The following PADI2 variants were observed in gnomAD, a reference collection of about 807,000 sequenced individuals.
The protein encoded by PADI2 is peptidyl arginine deiminase 2, also known as protein-arginine deiminase type-2.
PADI2 carries 70 observed loss-of-function variants against 81.1 expected under a neutral mutation model. The ratio of observed to expected loss-of-function variants is 0.86; its 90% CI spans 0.71 to 1.05. The LOEUF is 1.05. Among genes scored for constraint, PADI2 ranks in the 50% least tolerant of loss-of-function variants. The probability of loss-of-function intolerance (pLI) is 0.00; values close to 1 mark genes in which losing one functional copy is unlikely to be tolerated. For missense variants in PADI2, 853 were observed against 889.9 expected, an observed-to-expected ratio of 0.96 and a Z score of 0.53; for synonymous variants, 338 against 358.0, an observed-to-expected ratio of 0.94 and a Z score of 0.63.
intron 9 of PADI2, 84 bp from the exon 10 acceptor site, chr1:17,082,736 C>T: frequency 1.2e-6 from 1 of 800,560 alleles, no homozygotes; most frequent in South Asian, 1.6e-5. Flanking sequence ...AACACAAGAG[C>T]ACAAAGGAAG....
Position 17,067,243 on chromosome 1 carries a change from AC to A in PADI2, c.*1800del, listed in dbSNP as rs1362541639. On this transcript the variant is annotated 3_prime_UTR_variant, in exon 16 of 16. Transcript: ENST00000375486. The stretch of plus-strand genomic sequence containing the variant: ...AAAAAGAAAGAAAACCCATAAACCC[AC>A]ATTAACCAAACACACACACACACAT... 2 of 121,102 alleles carry A rather than the reference AC, an allele frequency of 1.7e-5. No homozygotes were observed. The highest frequency in any genetic ancestry group is 5.5e-5 in the African/African-American group (2 of 36,422). 7.5% of individuals were successfully genotyped at this position (121,102 alleles called of 1,614,324 possible). A position where few individuals can be genotyped will look rare whatever the true frequency, so the allele number is the denominator to read the frequency against.
chr1:17,080,897 G>A (rs2078339236), intron 10 of PADI2, among the ~76,000 whole-genome samples: 1 of 152,236 alleles, frequency 6.6e-6, no homozygotes. Flanking sequence ...GGACAGCTGA[G>A]CCCATGGGGT....
At chr1:17,103,126 A>C in intron 2 of PADI2, 67 bp from the exon 3 acceptor site, 1 of 1,203,310 alleles carries the variant, frequency 8.3e-7, no homozygotes, top group Non-Finnish European at 1.2e-6. Context: ...CACAAGCAGG[A>C]AAACCTGAAG....
intron 13 of PADI2, among the ~76,000 whole-genome samples, chr1:17,072,934 A>G (rs2078274322): frequency 6.6e-6 from 1 of 152,090 alleles, no homozygotes; most frequent in African/African-American, 2.4e-5. Context: ...CAAACTTCCC[A>G]TCAGTGGGGA....
chr1:17,069,509 G>A (rs2078249638), intron 15 of PADI2, among the ~76,000 whole-genome samples: 1 of 152,238 alleles, frequency 6.6e-6, no homozygotes, highest in Non-Finnish European at 1.5e-5. Context: ...GTCTGTACAT[G>A]TATGTATATG....
intron 4 of PADI2, among the ~76,000 whole-genome samples, chr1:17,095,172 A>G (rs533650226): frequency 1.3e-5 from 2 of 152,366 alleles, no homozygotes; most frequent in East Asian, 3.9e-4. Context: ...AAGCAGTTAG[A>G]AGCAACAGCC....
chr1:17,075,555 C>T, intron 12 of PADI2, 124 bp downstream of exon 12: 1 of 891,090 alleles, frequency 1.1e-6, no homozygotes, highest in Non-Finnish European at 1.7e-6. Flanking sequence ...AAACCAGCTT[C>T]AGCCTACTTC....
intron 13 of PADI2, among the ~76,000 whole-genome samples, chr1:17,072,606 G>T (rs995559149): frequency 1.3e-5 from 2 of 152,110 alleles, no homozygotes; most frequent in Non-Finnish European, 2.9e-5. Flanking sequence ...GCACATCCGC[G>T]CATCCTCTCT....
In PADI2 at chr1:17,068,819, C is replaced by T; in HGVS notation, c.*225G>A. The T allele has an allele frequency of 1.7e-6, 1 of 581,848 alleles. No individual in the cohort carries two copies. The highest frequency in any genetic ancestry group is 3.1e-6 in the Non-Finnish European group (1 of 325,730). 36.0% of individuals were successfully genotyped at this position (581,848 alleles called of 1,614,324 possible). On this transcript the variant is annotated 3_prime_UTR_variant, in exon 16 of 16. Transcript: ENST00000375486. ...ATGTCAGGGCTACAGAGACACTGGC[C>T]CAGCTATTTTCAGCAGGGACAGAGT...
At chr1:17,091,970 G>C (rs1256531632) in intron 6 of PADI2, among the ~76,000 whole-genome samples, 2 of 152,174 alleles carry the variant, frequency 1.3e-5, no homozygotes, top group African/African-American at 2.4e-5. Context: ...CACAGTGGGG[G>C]CCCAGGACAT....
chr1:17,116,045 G>A (rs1031437578), intron 1 of PADI2, among the ~76,000 whole-genome samples: 3 of 152,234 alleles, frequency 2.0e-5, no homozygotes, highest in Non-Finnish European at 2.9e-5. Flanking sequence ...GTGGTCAATT[G>A]TTCATCACTG....
At chr1:17,106,240 C>A (rs1441524144) in intron 1 of PADI2, among the ~76,000 whole-genome samples, 1 of 152,106 alleles carries the variant, frequency 6.6e-6, no homozygotes, top group Non-Finnish European at 1.5e-5. Flanking sequence ...TTTTGGAATT[C>A]TTGAATTCCG....
At chr1:17,087,618 A>G (rs1227085095) in intron 6 of PADI2, among the ~76,000 whole-genome samples, 2 of 152,130 alleles carry the variant, frequency 1.3e-5, no homozygotes, top group Non-Finnish European at 2.9e-5. Context: ...CTCCTGCCTC[A>G]GCCTCCCAAG....
intron 7 of PADI2, among the ~76,000 whole-genome samples, chr1:17,085,788 C>T (rs985795685): frequency 6.6e-6 from 1 of 152,204 alleles, no homozygotes; most frequent in South Asian, 2.1e-4. Flanking sequence ...TGTATCCTTT[C>T]CCAAAGTGGC....
intron 5 of PADI2, 82 bp from the exon 6 acceptor site, chr1:17,092,615 G>A: frequency 2.3e-6 from 3 of 1,305,644 alleles, no homozygotes; most frequent in South Asian, 1.6e-5. Context: ...TTGATAATCA[G>A]GAAAAAATCC....
At position 17,088,916 on chromosome 1, in the gene PADI2, A is replaced by AC. The variant is rs1377301292; in HGVS notation, c.656-2218_656-2217insG. Among the ~76,000 whole-genome samples, 24 of 135,158 alleles carry AC rather than the reference A, an allele frequency of 1.8e-4. 1 individual carries two copies. The highest frequency in any genetic ancestry group is 7.2e-3 in the Middle Eastern group (2 of 278). 88.7% of individuals were successfully genotyped at this position (135,158 alleles called of 152,430 possible). The stretch of plus-strand genomic sequence containing the variant: ...AGCGAGACTCCATCTCAAAAAAAAA[A>AC]AAAAAAAAAAAAAAACCAAGCCTCA... On this transcript the variant is annotated intron_variant, in intron 6 of 15. Coordinates refer to ENST00000375486, the MANE Select transcript of PADI2 (RefSeq NM_007365.3).
intron 13 of PADI2, among the ~76,000 whole-genome samples, chr1:17,073,815 C>T (rs2078281834): frequency 6.6e-6 from 1 of 152,168 alleles, no homozygotes; most frequent in African/African-American, 2.4e-5. Flanking sequence ...TCTAACCTGG[C>T]TGGTTGTCTC....
At chr1:17,102,753 G>GT (rs1931190191) in intron 3 of PADI2, among the ~76,000 whole-genome samples, 1 of 136,886 alleles carries the variant, frequency 7.3e-6, no homozygotes, top group South Asian at 2.1e-4. Flanking sequence ...TTGACACTTG[G>GT]GGGGGGGTTG....
At chr1:17,116,297 G>A (rs891576529) in intron 1 of PADI2, among the ~76,000 whole-genome samples, 1 of 152,220 alleles carries the variant, frequency 6.6e-6, no homozygotes, top group Non-Finnish European at 1.5e-5. Context: ...ACAGGAAAGG[G>A]AGTCCAGAGC....
Sources: gnomAD v4.1 joint callset for allele counts (sites outside exome capture counted in the v4.1 genomes callset) on GRCh38, gnomAD v4.1.1 for gene constraint, MANE v1.5 for transcripts, NCBI Gene and HGNC (gene_info 2026-07-23, HGNC 2026-07-21) for gene names.